Variants in NPAS3 observed in about 807,000 individuals in gnomAD.
NPAS3 encodes neuronal PAS domain-containing protein 3.
Under a neutral mutation model 73.1 loss-of-function variants are expected in NPAS3, and 14 were observed. The ratio of observed to expected loss-of-function variants is 0.19; its 90% CI spans 0.13 to 0.30. The LOEUF (loss-of-function observed/expected upper bound fraction) is 0.30, where lower values mean the gene tolerates loss of function less well. Among genes scored for constraint, NPAS3 ranks in the 10% least tolerant of loss-of-function variants. NPAS3 has a pLI of 1.00. For missense variants in NPAS3, 1,096 were observed against 1,250.0 expected, an observed-to-expected ratio of 0.88 and a Z score of 1.86; for synonymous variants, 620 against 541.5, an observed-to-expected ratio of 1.14 and a Z score of -2.01.
intron 2 of NPAS3, among the ~76,000 whole-genome samples, chr14:33,196,358 G>T (rs760429092): frequency 6.6e-6 from 1 of 152,170 alleles, no homozygotes; most frequent in African/African-American, 2.4e-5. Context: ...ACCTGTCTCG[G>T]ATAGTTCAGT....
At chr14:33,431,976 T>C (rs1227813777) in intron 4 of NPAS3, among the ~76,000 whole-genome samples, 2 of 152,216 alleles carry the variant, frequency 1.3e-5, no homozygotes, top group Non-Finnish European at 2.9e-5. Flanking sequence ...ATTACTCATA[T>C]ATAATATGGC....
rs574985941 is a variant in NPAS3 at position 33,373,052 on chromosome 14, T to C, written c.468+5784T>C. ...ATAGGATATTTGTATTTTACCTTAT[T>C]GAAGTTAACAAAACACAAAATGGTA... is the stretch of plus-strand genomic sequence containing the variant. On this transcript the variant is annotated intron_variant, in intron 4 of 11. Coordinates refer to ENST00000356141, the Ensembl canonical transcript of NPAS3. 1.8e-4 allele frequency among the ~76,000 whole-genome samples: 27 copies of C among 152,362 alleles called. 1 individual carries two copies. The highest frequency in any genetic ancestry group is 6.3e-4 in the African/African-American group (26 of 41,586).
rs1481795122 is a variant in NPAS3 at position 33,226,189 on chromosome 14, T to A, written c.385+10763T>A. ...TATAGCAAATGATCCAGACTAAGGC[T>A]ATTCACATAGTCTTTTTAAATGCAT... On this transcript the variant is annotated intron_variant, in intron 3 of 11. Transcript: ENST00000356141. 2.0e-5 allele frequency among the ~76,000 whole-genome samples: 3 copies of A among 152,358 alleles called. No individual in the cohort carries two copies. In the East Asian group the frequency reaches 5.8e-4, roughly 29 times the overall value.
chr14:33,783,189 G>T (rs1362087582), intron 9 of NPAS3, among the ~76,000 whole-genome samples: 1 of 152,186 alleles, frequency 6.6e-6, no homozygotes, highest in African/African-American at 2.4e-5. Flanking sequence ...TGTTGGTTTG[G>T]GTATGCAGCC....
intron 6 of NPAS3, among the ~76,000 whole-genome samples, chr14:33,708,150 C>T (rs1221283962): frequency 1.3e-5 from 2 of 152,172 alleles, no homozygotes; most frequent in East Asian, 1.9e-4. Flanking sequence ...GCTGCCCTAA[C>T]GTAGGCAGGT....
At chr14:33,582,169 A>G (rs1446784319) in intron 5 of NPAS3, 1 of 152,224 alleles carries the variant, frequency 6.6e-6, no homozygotes, top group Non-Finnish European at 1.5e-5. Context: ...GAAAGATGGT[A>G]CAAATTGACC....
At chr14:32,936,537 A>G (rs567575497), upstream of NPAS3, among the ~76,000 whole-genome samples, 123 of 152,282 alleles carry the variant, frequency 8.1e-4, no homozygotes, top group African/African-American at 2.8e-3. Flanking sequence ...TTAAATGACA[A>G]TAGTATCTGG....
At chr14:33,324,464 G>T (rs1009132884) in intron 3 of NPAS3, among the ~76,000 whole-genome samples, 1 of 152,080 alleles carries the variant, frequency 6.6e-6, no homozygotes, top group Non-Finnish European at 1.5e-5. Context: ...TGTGATTATC[G>T]GATTGCCCTT....
At chr14:33,658,996 C>G (rs1000733821) in intron 5 of NPAS3, among the ~76,000 whole-genome samples, 2 of 152,106 alleles carry the variant, frequency 1.3e-5, no homozygotes, top group Non-Finnish European at 2.9e-5. Flanking sequence ...AAATAATTAG[C>G]AAACCCTTCT....
rs60035414 is a variant in NPAS3 at position 33,681,951 on chromosome 14, G to A, written c.733+5566G>A. ...AAAATTCTGAATACAAACAAACAGT[G>A]TAGTGACTAACTTAACATAGAAATG... is the stretch of plus-strand genomic sequence containing the variant. On this transcript the variant is annotated intron_variant, in intron 6 of 11. Coordinates refer to ENST00000356141, the Ensembl canonical transcript of NPAS3. 8.4e-3 allele frequency among the ~76,000 whole-genome samples: 1,282 copies of A among 152,300 alleles called. 11 individuals are homozygous for A. Among genetic ancestry groups the A allele is most frequent in the African/African-American group, 0.03 (1,234 of 41,562 alleles).
chr14:32,965,349 G>T (rs2037107061), intron 1 of NPAS3, among the ~76,000 whole-genome samples: 1 of 152,158 alleles, frequency 6.6e-6, no homozygotes, highest in Non-Finnish European at 1.5e-5. Flanking sequence ...ACATCTAAAA[G>T]TTCATTCGTA....
intron 5 of NPAS3, among the ~76,000 whole-genome samples, chr14:33,587,528 G>T (rs998165957): frequency 6.6e-6 from 1 of 152,154 alleles, no homozygotes; most frequent in African/African-American, 2.4e-5. Context: ...GAACTGCTGT[G>T]CTGACTTCTG....
At chr14:33,586,866 A>G (rs557461901) in intron 5 of NPAS3, among the ~76,000 whole-genome samples, 30 of 152,306 alleles carry the variant, frequency 2.0e-4, no homozygotes, top group African/African-American at 7.2e-4. Flanking sequence ...ATGCAACTCG[A>G]GAAATGCTAC....
At chr14:33,143,504 G>C (rs554717594) in intron 2 of NPAS3, among the ~76,000 whole-genome samples, 5 of 151,750 alleles carry the variant, frequency 3.3e-5, no homozygotes, top group African/African-American at 1.2e-4. Context: ...AAAAAAAAAA[G>C]TATCCTGTTC....
At chr14:33,105,638 T>C (rs2042700735) in intron 2 of NPAS3, among the ~76,000 whole-genome samples, 1 of 152,164 alleles carries the variant, frequency 6.6e-6, no homozygotes, top group African/African-American at 2.4e-5. Flanking sequence ...AATATGCAGA[T>C]GTGTTACAGG....
At chr14:33,507,352 A>C (rs949924300) in intron 4 of NPAS3, among the ~76,000 whole-genome samples, 6 of 152,092 alleles carry the variant, frequency 3.9e-5, no homozygotes, top group African/African-American at 1.4e-4. Context: ...TAAATACCTT[A>C]GACTGCCATC....
At chr14:33,728,691 G>C (rs1035967696) in intron 6 of NPAS3, among the ~76,000 whole-genome samples, 2 of 152,182 alleles carry the variant, frequency 1.3e-5, no homozygotes, top group African/African-American at 4.8e-5. Flanking sequence ...CCTGGCACAT[G>C]GTAGAAGACA....
intron 5 of NPAS3, among the ~76,000 whole-genome samples, chr14:33,638,984 C>CACCATTTA (rs2058602819): frequency 6.6e-6 from 1 of 152,178 alleles, no homozygotes; most frequent in Non-Finnish European, 1.5e-5. Context: ...AAAGGCACCG[C>CACCATTTA]ACCATTTAAC....
At chr14:33,002,000 A>T (rs1400261548) in intron 1 of NPAS3, among the ~76,000 whole-genome samples, 1 of 152,090 alleles carries the variant, frequency 6.6e-6, no homozygotes, top group Non-Finnish European at 1.5e-5. Flanking sequence ...GCTAATTCTG[A>T]CCCTGGAGAA....
Sources: gnomAD v4.1 joint callset for allele counts (sites outside exome capture counted in the v4.1 genomes callset) on GRCh38, gnomAD v4.1.1 for gene constraint, MANE v1.5 for transcripts, NCBI Gene and HGNC (gene_info 2026-07-23, HGNC 2026-07-21) for gene names.